The following RDH5 variants were observed in gnomAD, a reference collection of about 807,000 sequenced individuals.
RDH5 encodes retinol dehydrogenase 5, also known as 11-cis RDH.
In RDH5, 25 loss-of-function variants were observed where a neutral mutation model predicts 24.0. The ratio of observed to expected loss-of-function variants is 1.04; its 90% CI spans 0.76 to 1.46. The LOEUF (loss-of-function observed/expected upper bound fraction) is 1.46, where lower values mean the gene tolerates loss of function less well. Among genes scored for constraint, RDH5 ranks in the 40% most tolerant of loss-of-function variants. The pLI, the probability that RDH5 is intolerant of heterozygous loss-of-function variation, is 0.00. For missense variants in RDH5, 369 were observed against 410.3 expected, an observed-to-expected ratio of 0.90 and a Z score of 0.87; for synonymous variants, 170 against 175.2, an observed-to-expected ratio of 0.97 and a Z score of 0.23.
At chr12:55,723,746 T>C (rs999479897) in intron 3 of RDH5, 140 bp from the exon 4 acceptor site, 11 of 947,718 alleles carry the variant, frequency 1.2e-5, no homozygotes, top group Non-Finnish European at 1.5e-5. Flanking sequence ...CACTTGACCC[T>C]TGTCCCGGGG....
Position 55,721,991 on chromosome 12 carries a change from A to G in RDH5, c.569+44A>G, listed in dbSNP as rs1057107753. 6.2e-7 allele frequency: 1 copy of G among 1,601,172 alleles called. No homozygotes were observed. The highest frequency in any genetic ancestry group is 1.3e-5 in the African/African-American group (1 of 74,594). On this transcript the variant is annotated intron_variant, in intron 3 of 4. Transcript: ENST00000257895. The surrounding 1 kb of genome is among the most constrained non-coding windows in gnomAD (Gnocchi z 4.7). ...TGGGTTCCAGGACTAACAGCAGCCCACTCAACAAACGTGGGCCAGCAGAGG... is the reference window on the plus strand; with the variant it reads ...TGGGTTCCAGGACTAACAGCAGCCCGCTCAACAAACGTGGGCCAGCAGAGG...
At chr12:55,723,845 T>C (rs765374835) in intron 3 of RDH5, 41 bp from the exon 4 acceptor site, 8 of 1,608,958 alleles carry the variant, frequency 5.0e-6, no homozygotes, top group East Asian at 2.2e-5. Context: ...CCCCTCCCTA[T>C]AGGGCAAGAA....
At chr12:55,723,575 A>G in intron 3 of RDH5, 1 of 356,332 alleles carries the variant, frequency 2.8e-6, no homozygotes, top group Non-Finnish European at 5.3e-6. Flanking sequence ...AAATGGTTAC[A>G]TTGTAAACTG....
rs748391654 is a variant in RDH5 at position 55,721,351 on chromosome 12, T to C, written c.167T>C (p.Leu56Pro). The C allele has an allele frequency of 6.2e-7, 1 of 1,613,924 alleles. No homozygotes were observed. Among genetic ancestry groups the C allele is most frequent in the Non-Finnish European group, 8.5e-7 (1 of 1,180,028 alleles). Residue 56 changes from leucine to proline, a missense_variant, in exon 2 of 5, where the codon CTG becomes CCG. Physicochemically the swap from Leu to Pro is moderately conservative, Grantham distance 98. Transcript: ENST00000257895. The surrounding 1 kb of genome is among the most constrained non-coding windows in gnomAD (Gnocchi z 4.7). ...CTGGACCAGAGAGGCTTCCGAGTCC[T>C]GGCCAGCTGCCTGACCCCCTCCGGG... ...LQLDQRGFRVLASCLTPSGAE... is the reference protein window; with the variant it reads ...LQLDQRGFRVPASCLTPSGAE...
chr12:55,724,530 C>T lies in RDH5; in HGVS notation c.942C>T (p.Ala314=). The T allele has an allele frequency of 6.2e-7, 1 of 1,611,754 alleles. No individual in the cohort carries two copies. Among genetic ancestry groups the T allele is most frequent in the Non-Finnish European group, 8.5e-7 (1 of 1,179,994 alleles). The part of the protein sequence containing the change: ...AVLTWVLPKP[A]QAVY ...TCACCTGGGTCCTTCCCAAGCCTGC[C>T]CAAGCAGTCTACTGAATCCAGCCTT... The change falls in exon 5 of 5, where the codon GCC becomes GCT. Residue 314 remains alanine, a synonymous_variant. Coordinates refer to ENST00000257895, the MANE Select transcript of RDH5 (RefSeq NM_002905.5).
chr12:55,724,071 G>A, intron 4 of RDH5, 22 bp downstream of exon 4: 7 of 1,603,016 alleles, frequency 4.4e-6, no homozygotes, highest in Non-Finnish European at 5.9e-6. Context: ...GGCCCACACA[G>A]GGGCACATGA....
At chr12:55,724,254 G>A in intron 4 of RDH5, 68 bp from the exon 5 acceptor site, 1 of 1,580,464 alleles carries the variant, frequency 6.3e-7, no homozygotes, top group South Asian at 1.1e-5. Context: ...CAGGGCCCCA[G>A]AAGACAGTAC....
At position 55,724,044 on chromosome 12, in the gene RDH5, C is replaced by G. The variant is rs1346142612; in HGVS notation, c.728C>G (p.Thr243Ser). Residue 243 changes from threonine (T) to serine (S), a missense_variant, in exon 4 of 5, where the codon ACC (threonine) becomes AGC (serine). Transcript: ENST00000257895. ...GCCCACTATGGGGGGGCCTTCCTCA[C>G]CAAGTGTGAGTAGCCAGGCCCACAC... ...TQAHYGGAFL[T>S]KYLKMQQRIM... 1 of 1,609,644 alleles carries G rather than the reference C, an allele frequency of 6.2e-7. No homozygotes were observed. Among genetic ancestry groups the G allele is most frequent in the Non-Finnish European group, 8.5e-7 (1 of 1,179,630 alleles).
intron 3 of RDH5, chr12:55,722,236 A>C (rs1555168126): frequency 6.3e-6 from 2 of 318,814 alleles, no homozygotes; most frequent in South Asian, 8.7e-5. Flanking sequence ...CACAATTTCC[A>C]CCCCCGGGGT....
chr12:55,720,649 T>G (rs1876864660), intron 1 of RDH5, 132 bp downstream of exon 1: 1 of 156,200 alleles, frequency 6.4e-6, no homozygotes, highest in Non-Finnish European at 1.4e-5. Context: ...AACTCTGAGG[T>G]GGACCTGGTG....
chr12:55,721,425 T>C lies in RDH5; in HGVS notation c.241T>C (p.Leu81=), dbSNP rs1876912896. 1 of 1,613,566 alleles carries C rather than the reference T, an allele frequency of 6.2e-7. No individual in the cohort carries two copies. The highest frequency in any genetic ancestry group is 8.5e-7 in the Non-Finnish European group (1 of 1,180,014). ...VASSRLHTTL[L]DITDPQSVQQ... ...CTCCTCCCGCCTCCACACCACCCTGTTGGATATCACTGATCCCCAGAGCGT... is the reference window on the plus strand; with the variant it reads ...CTCCTCCCGCCTCCACACCACCCTGCTGGATATCACTGATCCCCAGAGCGT... The change falls in exon 2 of 5, where the codon TTG becomes CTG. Residue 81 remains leucine (L), a synonymous_variant. Transcript: ENST00000257895. This position sits in a 1 kb window ranked among gnomAD's most constrained non-coding sequence, Gnocchi z 4.7.
At chr12:55,723,037 G>A (rs1876999829) in intron 3 of RDH5, 1 of 152,196 alleles carries the variant, frequency 6.6e-6, no homozygotes, top group South Asian at 2.1e-4. Context: ...GAGTGCAGTG[G>A]TGCAGTCACG....
Position 55,721,795 on chromosome 12 carries a change from TCC to T in RDH5, c.419_420del (p.Pro140HisfsTer47), listed in dbSNP as rs1425230516. On this transcript the variant is annotated frameshift_variant, in exon 3 of 5. Coordinates refer to ENST00000257895, the MANE Select transcript of RDH5 (RefSeq NM_002905.5). LOFTEE classifies it high-confidence loss of function. The surrounding 1 kb of genome is among the most constrained non-coding windows in gnomAD (Gnocchi z 4.7). ...GGGTGCTGAATGTGAACACAATGGG[TCC>T]CATCGGGGTCACCCTTGCCCTGCTG... ...QRVLNVNTMG[P>X]IGVTLALLPL... 1.9e-6 allele frequency: 3 copies of T among 1,614,014 alleles called. No individual in the cohort carries two copies. Among genetic ancestry groups the T allele is most frequent in the Middle Eastern group, 1.7e-4 (1 of 6,060 alleles).
intron 4 of RDH5, 35 bp from the exon 5 acceptor site, chr12:55,724,287 A>C (rs201807174): frequency 6.2e-7 from 1 of 1,609,400 alleles, no homozygotes; most frequent in East Asian, 2.2e-5. Flanking sequence ...GGAGTGAGGA[A>C]GGGAAACTGA....
intron 3 of RDH5, 187 bp downstream of exon 3, chr12:55,722,134 T>C (rs1333317674): frequency 3.2e-6 from 2 of 624,990 alleles, no homozygotes; most frequent in East Asian, 2.8e-5. Flanking sequence ...TTACTTCTCT[T>C]TACCCATTTT....
chr12:55,722,082 A>G (rs1199119175), intron 3 of RDH5, 135 bp downstream of exon 3: 1 of 808,164 alleles, frequency 1.2e-6, no homozygotes, highest in East Asian at 2.7e-5. Flanking sequence ...TCATGGGTTC[A>G]ATGAAGTCTA....
rs1361515741 is a variant in RDH5, at chr12:55,721,153, G to C, written c.-32G>C. On this transcript the variant is annotated splice_region_variant and 5_prime_UTR_variant, in exon 2 of 5. Transcript: ENST00000257895. This position sits in a 1 kb window ranked among gnomAD's most constrained non-coding sequence, Gnocchi z 4.7. The stretch of plus-strand genomic sequence containing the variant: ...GGACAAGTTTTTCTGCCCAGCCTAG[G>C]CTGCCACCTGTAGGTCACTTGGGCT... The C allele has an allele frequency of 3.7e-6, 6 of 1,610,702 alleles. No homozygotes were observed. Among genetic ancestry groups the C allele is most frequent in the Non-Finnish European group, 1.7e-6 (2 of 1,177,628 alleles).
rs1172035609 is a variant in RDH5, at chr12:55,720,465, G to C, written c.-85G>C. On this transcript the variant is annotated 5_prime_UTR_variant, in exon 1 of 5. Transcript: ENST00000257895. ...ACTGGGAGCAGTCTCTTAAACAAAA[G>C]CAAAAGAATAAGCTTCGGGCGCTGT... 1 of 152,422 alleles carries C rather than the reference G, an allele frequency of 6.6e-6. No homozygotes were observed. Among genetic ancestry groups the C allele is most frequent in the Non-Finnish European group, 1.5e-5 (1 of 68,226 alleles). 9.4% of individuals were successfully genotyped at this position (152,422 alleles called of 1,614,324 possible).
intron 3 of RDH5, 104 bp from the exon 4 acceptor site, chr12:55,723,782 T>C (rs768161249): frequency 5.9e-6 from 8 of 1,345,544 alleles, no homozygotes; most frequent in African/African-American, 2.9e-5. Flanking sequence ...TCAAAACTCT[T>C]GTCCCTGGTC....
Sources: allele counts gnomAD v4.1 joint callset, GRCh38; gene constraint gnomAD v4.1.1; non-coding constraint Gnocchi (gnomAD v3.1); transcripts MANE v1.5; gene names NCBI Gene and HGNC (gene_info 2026-07-23, HGNC 2026-07-21).